Variants in HNRNPLL observed in about 807,000 individuals in gnomAD.
HNRNPLL encodes heterogeneous nuclear ribonucleoprotein L like.
A neutral mutation model predicts 67.1 loss-of-function variants in HNRNPLL; 25 were observed. The observed-to-expected ratio is 0.37, with a 90% CI of 0.27 to 0.52. The LOEUF is 0.52. Among genes scored for constraint, HNRNPLL ranks in the 20% least tolerant of loss-of-function variants. The pLI is 0.90. For synonymous variants in HNRNPLL, 267 were observed against 241.7 expected, an observed-to-expected ratio of 1.10 and a Z score of -0.97; for missense variants, 542 against 673.9, an observed-to-expected ratio of 0.80 and a Z score of 2.17.
intron 12 of HNRNPLL, among the ~76,000 whole-genome samples, chr2:38,566,732 C>T (rs926179383): frequency 6.6e-6 from 1 of 151,550 alleles, no homozygotes; most frequent in Admixed American, 6.6e-5. Flanking sequence ...GTCTGTAATC[C>T]TAGCACTTTG....
chr2:38,563,499 C>G lies in HNRNPLL; in HGVS notation c.*683G>C, dbSNP rs952630431. The G allele has an allele frequency of 1.3e-5, 2 of 151,902 alleles. No homozygotes were observed. The highest frequency in any genetic ancestry group is 6.6e-5 in the Admixed American group (1 of 15,254). 9.4% of individuals were successfully genotyped at this position (151,902 alleles called of 1,614,324 possible). A position where few individuals can be genotyped will look rare whatever the true frequency, so the allele number is the denominator to read the frequency against. On this transcript the variant is annotated 3_prime_UTR_variant, in exon 13 of 13. Transcript: ENST00000449105. ...GTCACATGCAACAAATGAAAATGAA[C>G]ACATTAACTCATTGTTATAACTTTA...
chr2:38,577,743 T>C (rs531456124), intron 6 of HNRNPLL, among the ~76,000 whole-genome samples: 1 of 152,218 alleles, frequency 6.6e-6, no homozygotes, highest in South Asian at 2.1e-4. Context: ...TCCACTTAAC[T>C]TGAATATATC....
At chr2:38,579,698 A>C (rs867264304) in intron 6 of HNRNPLL, among the ~76,000 whole-genome samples, 1 of 151,580 alleles carries the variant, frequency 6.6e-6, no homozygotes, top group African/African-American at 2.4e-5. Flanking sequence ...CAAGCTGAAA[A>C]GGGCTTTGAA....
intron 1 of HNRNPLL, among the ~76,000 whole-genome samples, chr2:38,592,585 T>C (rs1667008158): frequency 6.6e-6 from 1 of 152,252 alleles, no homozygotes; most frequent in African/African-American, 2.4e-5. Flanking sequence ...ATATTGTGTA[T>C]CTTCGAGTAT....
intron 2 of HNRNPLL, among the ~76,000 whole-genome samples, chr2:38,589,486 A>AT (rs966564141): frequency 1.3e-5 from 2 of 152,202 alleles, no homozygotes; most frequent in African/African-American, 4.8e-5. Flanking sequence ...TGAAACTCCT[A>AT]TTACACCTAT....
intron 6 of HNRNPLL, 76 bp from the exon 7 acceptor site, chr2:38,577,608 C>A: frequency 2.4e-6 from 2 of 826,672 alleles, no homozygotes; most frequent in South Asian, 2.7e-5. Flanking sequence ...GGGAAACACC[C>A]ATTCAAAACA....
intron 1 of HNRNPLL, chr2:38,601,623 T>C (rs1667439237): frequency 6.6e-6 from 1 of 152,176 alleles, no homozygotes; most frequent in Non-Finnish European, 1.5e-5. Context: ...CCCTAACATT[T>C]CTGGTAAGAG....
chr2:38,591,907 T>C (rs189100928), intron 1 of HNRNPLL, among the ~76,000 whole-genome samples: 2,500 of 151,760 alleles, frequency 0.016, 63 homozygotes, highest in African/African-American at 0.058. Flanking sequence ...ATCCGGGAGG[T>C]GGAGGCTGCA....
At position 38,567,581 on chromosome 2, in the gene HNRNPLL, C is replaced by A. The variant is rs1284985092; in HGVS notation, c.1573+618G>T. ...TATTGCTTTCCTCTAAAATGATCAG[C>A]AGGGATTGTGGAAGCTATAGCTTGA... On this transcript the variant is annotated intron_variant, in intron 12 of 12. Transcript: ENST00000449105. Among the ~76,000 whole-genome samples the A allele has an allele frequency of 3.3e-5, 5 of 152,160 alleles. No homozygotes were observed. The East Asian group carries it at 9.6e-4, about 29-fold the overall frequency.
intron 7 of HNRNPLL, 87 bp from the exon 8 acceptor site, chr2:38,573,514 C>G: frequency 1.2e-6 from 1 of 834,688 alleles, no homozygotes; most frequent in South Asian, 1.6e-5. Context: ...GCACCACACA[C>G]AAAAAATAAA....
intron 2 of HNRNPLL, 120 bp downstream of exon 2, chr2:38,591,410 T>C (rs1464873218): frequency 5.8e-6 from 4 of 688,134 alleles, no homozygotes; most frequent in South Asian, 5.2e-5. Context: ...AAACAATAGA[T>C]ACTACTTTGT....
intron 7 of HNRNPLL, among the ~76,000 whole-genome samples, chr2:38,577,170 C>T (rs1666330171): frequency 6.6e-6 from 1 of 151,838 alleles, no homozygotes; most frequent in Non-Finnish European, 1.5e-5. Flanking sequence ...CTTTCTGGTC[C>T]TCTTACAAGC....
intron 4 of HNRNPLL, among the ~76,000 whole-genome samples, chr2:38,582,413 C>T (rs529759465): frequency 1.5e-4 from 23 of 152,216 alleles, no homozygotes; most frequent in African/African-American, 4.3e-4. Context: ...CGGGTTCAAG[C>T]AATTCTCCTG....
chr2:38,564,273 A>C (rs1401349998), intron 12 of HNRNPLL, 36 bp from the exon 13 acceptor site: 1 of 1,173,632 alleles, frequency 8.5e-7, no homozygotes, highest in East Asian at 2.4e-5. Flanking sequence ...ATTTCACTTC[A>C]TCAAACTTTC....
chr2:38,573,150 C>T (rs182723421), intron 8 of HNRNPLL, 60 bp downstream of exon 8: 4 of 1,116,626 alleles, frequency 3.6e-6, no homozygotes, highest in Non-Finnish European at 5.2e-6. Flanking sequence ...ATATTTGCAG[C>T]CTTTTCAGAG....
Position 38,583,905 on chromosome 2 carries a change from T to C in HNRNPLL, c.568A>G (p.Asn190Asp). The change falls in exon 4 of 13, where the codon AAC (asparagine) becomes GAC (aspartate). Residue 190 changes from asparagine to aspartate, a missense_variant. This residue lies in a region of HNRNPLL where 415 missense variants were observed against 575.2 expected (regional missense o/e 0.72). Coordinates refer to ENST00000449105, the MANE Select transcript of HNRNPLL (RefSeq NM_138394.4). Reference sequence around the variant, plus strand: ...ATACGTTGCACTTTGCCAACAGGGTTGCATACAGTATATAAAACATCCTAT... The same window carrying C: ...ATACGTTGCACTTTGCCAACAGGGTCGCATACAGTATATAAAACATCCTAT... ...ITVDVLYTVC[N>D]PVGKVQRIVI... The C allele has an allele frequency of 6.5e-7, 1 of 1,545,164 alleles. No individual in the cohort carries two copies.
intron 5 of HNRNPLL, 33 bp downstream of exon 5, chr2:38,582,039 T>C (rs752702707): frequency 1.9e-6 from 3 of 1,601,572 alleles, no homozygotes; most frequent in African/African-American, 1.3e-5. Flanking sequence ...AGCATAAATA[T>C]TTCTTGGGTA....
At chr2:38,584,300 A>C (rs879364544) in intron 3 of HNRNPLL, among the ~76,000 whole-genome samples, 13 of 152,112 alleles carry the variant, frequency 8.5e-5, no homozygotes, top group Non-Finnish European at 4.4e-5. Flanking sequence ...AGCTCAAGGG[A>C]TCCTACTACC....
At position 38,597,651 on chromosome 2, in the gene HNRNPLL, G is replaced by C. The variant is rs1667251732; in HGVS notation, c.189+4787C>G. Among the ~76,000 whole-genome samples the C allele has an allele frequency of 1.3e-5, 2 of 151,588 alleles. 1 individual carries two copies. The highest frequency in any genetic ancestry group is 4.2e-4 in the South Asian group (2 of 4,814). On this transcript the variant is annotated intron_variant, in intron 1 of 12. Transcript: ENST00000449105. ...ACATTTGATCACATAACAGAGCAAA[G>C]ATGTAAAATTATGGCCATATGAGTC... is the stretch of plus-strand genomic sequence containing the variant.
Sources: allele counts gnomAD v4.1 joint callset (sites outside exome capture counted in the v4.1 genomes callset), GRCh38; gene constraint gnomAD v4.1.1; regional missense constraint gnomAD v4.1.1; transcripts MANE v1.5; gene names NCBI Gene and HGNC (gene_info 2026-07-23, HGNC 2026-07-21).